Variants in GPR137C observed in about 807,000 individuals in gnomAD.
The protein encoded by GPR137C is G protein-coupled receptor 137C.
GPR137C carries 27 observed loss-of-function variants against 43.4 expected under a neutral mutation model. The ratio of observed to expected loss-of-function variants is 0.62; its 90% confidence interval spans 0.46 to 0.86. The LOEUF is 0.86. Among genes scored for constraint, GPR137C ranks in the 40% least tolerant of loss-of-function variants. The pLI, the probability that GPR137C is intolerant of heterozygous loss-of-function variation, is 0.00. For synonymous variants in GPR137C, 285 were observed against 226.9 expected (o/e 1.26, Z -2.30); for missense variants, 522 against 534.6 (o/e 0.98, Z 0.23).
At chr14:52,560,909 CAAAT>C (rs889454455) in intron 1 of GPR137C, among the ~76,000 whole-genome samples, 1 of 151,940 alleles carries the variant, frequency 6.6e-6, no homozygotes, top group African/African-American at 2.4e-5. Flanking sequence ...TTTTGCAAGA[CAAAT>C]AAGAGGCAAG....
intron 3 of GPR137C, among the ~76,000 whole-genome samples, chr14:52,628,891 C>T (rs148633037): frequency 3.3e-5 from 5 of 152,166 alleles, no homozygotes; most frequent in Non-Finnish European, 7.3e-5. Flanking sequence ...ATACGTATAT[C>T]TGACAAGAGT....
intron 2 of GPR137C, among the ~76,000 whole-genome samples, chr14:52,599,312 G>A (rs919993028): frequency 6.6e-6 from 1 of 152,106 alleles, no homozygotes; most frequent in Non-Finnish European, 1.5e-5. Flanking sequence ...GGTGCTTGAA[G>A]CTCTACATAT....
At chr14:52,567,557 G>C (rs1566603649) in intron 1 of GPR137C, among the ~76,000 whole-genome samples, 1 of 151,868 alleles carries the variant, frequency 6.6e-6, no homozygotes, top group South Asian at 2.1e-4. Context: ...TGGAAGGCAG[G>C]TCTTCTGACT....
rs1323899478 is a variant in GPR137C, at chr14:52,636,857, G to A, written c.*1742G>A. On this transcript the variant is annotated 3_prime_UTR_variant, in exon 7 of 7. Transcript: ENST00000321662. ...TTACCCGTGGTATTAAGTGACAAAA[G>A]CGTACTTTTATTACAACTCCAGTTG... The A allele has an allele frequency of 2.0e-5, 3 of 152,080 alleles. No individual in the cohort carries two copies. Among genetic ancestry groups the A allele is most frequent in the Non-Finnish European group, 4.4e-5 (3 of 67,980 alleles). The allele number at this position is 152,080 out of a possible 1,614,324, so 9.4% of individuals were successfully genotyped here. A position where few individuals can be genotyped will look rare whatever the true frequency, so the allele number is the denominator to read the frequency against.
At chr14:52,564,274 C>CA (rs34302766) in intron 1 of GPR137C, among the ~76,000 whole-genome samples, 27,865 of 92,946 alleles carry the variant, frequency 0.3, 4,159 homozygotes, top group East Asian at 0.56. Flanking sequence ...GACTTCGTCT[C>CA]AAAAAAAAAA....
chr14:52,633,499 G>T lies in GPR137C; in HGVS notation c.868-31G>T, dbSNP rs762274299. 3.1e-6 allele frequency: 5 copies of T among 1,601,920 alleles called. No homozygotes were observed. The East Asian group carries it at 1.1e-4, about 36-fold the overall frequency. ...GTGATTGCTTATACAATAAACAGAT[G>T]TAAAAATTCTCTGCCATGCTCTATT... On this transcript the variant is annotated intron_variant, in intron 4 of 6. Coordinates refer to ENST00000321662, the MANE Select transcript of GPR137C (RefSeq NM_001099652.2).
At chr14:52,579,100 G>GA (rs1002944880) in intron 1 of GPR137C, among the ~76,000 whole-genome samples, 15 of 151,292 alleles carry the variant, frequency 9.9e-5, no homozygotes, top group African/African-American at 3.6e-4. Flanking sequence ...ATTCCTCAGA[G>GA]AAAAAAAAAT....
intron 1 of GPR137C, among the ~76,000 whole-genome samples, chr14:52,597,709 A>G (rs2038873365): frequency 6.6e-6 from 1 of 152,218 alleles, no homozygotes; most frequent in Non-Finnish European, 1.5e-5. Flanking sequence ...AATTTGGTTT[A>G]CCTACTCACC....
chr14:52,623,234 C>A (rs2093413), intron 3 of GPR137C, among the ~76,000 whole-genome samples: 143,943 of 152,230 alleles, frequency 0.95, 68,126 homozygotes, highest in East Asian at 0.99. Flanking sequence ...AAAACATTAA[C>A]TTAATCTTTA....
At chr14:52,622,132 C>T (rs2039168949) in intron 3 of GPR137C, among the ~76,000 whole-genome samples, 1 of 151,894 alleles carries the variant, frequency 6.6e-6, no homozygotes, top group Non-Finnish European at 1.5e-5. Flanking sequence ...CATCCTCACA[C>T]ATATATATAG....
chr14:52,604,812 T>C (rs2038966674), intron 3 of GPR137C, among the ~76,000 whole-genome samples: 1 of 152,080 alleles, frequency 6.6e-6, no homozygotes, highest in Non-Finnish European at 1.5e-5. Context: ...TTTATTGAGA[T>C]TGTGACTTCC....
chr14:52,580,732 A>G (rs1421562808), intron 1 of GPR137C, among the ~76,000 whole-genome samples: 1 of 150,822 alleles, frequency 6.6e-6, no homozygotes, highest in Non-Finnish European at 1.5e-5. Flanking sequence ...ATTGAATCCT[A>G]GAAACAAGAA....
intron 1 of GPR137C, among the ~76,000 whole-genome samples, chr14:52,580,453 C>G (rs185484239): frequency 6.6e-6 from 1 of 152,258 alleles, no homozygotes; most frequent in African/African-American, 2.4e-5. Flanking sequence ...ATCTTCGCCT[C>G]TGGGCCCAAG....
chr14:52,613,481 TC>T (rs1041734409), intron 3 of GPR137C: 3 of 153,586 alleles, frequency 2.0e-5, no homozygotes, highest in Non-Finnish European at 4.4e-5. Flanking sequence ...CCATTAACCA[TC>T]CCCACTTCTC....
At chr14:52,611,923 A>G (rs1184700120) in intron 3 of GPR137C, 1 of 983,706 alleles carries the variant, frequency 1.0e-6, no homozygotes, top group Non-Finnish European at 1.2e-6. Context: ...CATCTTCATC[A>G]TCATATTTTG....
At chr14:52,594,400 A>T (rs2038824234) in intron 1 of GPR137C, among the ~76,000 whole-genome samples, 1 of 152,168 alleles carries the variant, frequency 6.6e-6, no homozygotes, top group Admixed American at 6.5e-5. Context: ...TGTCTCGTTG[A>T]TCTGGCTAAT....
intron 3 of GPR137C, among the ~76,000 whole-genome samples, chr14:52,627,526 C>G (rs189507797): frequency 6.6e-6 from 1 of 152,014 alleles, no homozygotes; most frequent in African/African-American, 2.4e-5. Flanking sequence ...AAAATTTGCA[C>G]GACAATGCAG....
At chr14:52,572,879 G>A (rs183978648) in intron 1 of GPR137C, among the ~76,000 whole-genome samples, 4 of 152,280 alleles carry the variant, frequency 2.6e-5, no homozygotes, top group African/African-American at 7.2e-5. Flanking sequence ...TCCTTAAGCT[G>A]ACAAGCAACT....
At chr14:52,590,849 A>G (rs1157247173) in intron 1 of GPR137C, among the ~76,000 whole-genome samples, 5 of 152,026 alleles carry the variant, frequency 3.3e-5, no homozygotes, top group Non-Finnish European at 7.4e-5. Context: ...GTTTTTTATT[A>G]TACTTAAAGT....
Sources: gnomAD v4.1 joint callset for allele counts (sites outside exome capture counted in the v4.1 genomes callset) on GRCh38, gnomAD v4.1.1 for gene constraint, MANE v1.5 for transcripts, NCBI Gene and HGNC (gene_info 2026-07-23, HGNC 2026-07-21) for gene names.